DYTN: variants seen among roughly 807,000 people sequenced by gnomAD.
DYTN encodes the protein dystrotelin.
In DYTN, 75 loss-of-function variants were observed where a neutral mutation model predicts 69.6. The ratio of observed to expected loss-of-function variants is 1.08; its 90% CI spans 0.89 to 1.31. DYTN has a LOEUF of 1.31. Ranked by LOEUF, DYTN falls within the 50% of genes most tolerant of loss-of-function variation. The probability of loss-of-function intolerance (pLI) is 0.00; values close to 1 mark genes in which losing one functional copy is unlikely to be tolerated. For synonymous variants in DYTN, 252 were observed against 249.1 expected, an observed-to-expected ratio of 1.01 and a Z score of -0.11; for missense variants, 726 against 688.4, an observed-to-expected ratio of 1.05 and a Z score of -0.61.
intron 5 of DYTN, among the ~76,000 whole-genome samples, chr2:206,700,896 A>G (rs1472742941): frequency 3.3e-5 from 5 of 152,212 alleles, no homozygotes; most frequent in African/African-American, 9.6e-5. Flanking sequence ...TTTGCTGAGA[A>G]TGATGGTTTC....
At chr2:206,658,117 A>G (rs1181635017) in intron 11 of DYTN, among the ~76,000 whole-genome samples, 1 of 151,578 alleles carries the variant, frequency 6.6e-6, no homozygotes, top group Non-Finnish European at 1.5e-5. Flanking sequence ...TTTCTGCTTG[A>G]TCTAGTCTGC....
chr2:206,693,843 T>C (rs1699890549), intron 8 of DYTN, among the ~76,000 whole-genome samples: 1 of 152,152 alleles, frequency 6.6e-6, no homozygotes, highest in Admixed American at 6.5e-5. Context: ...TAAAGCGTAA[T>C]AACAAAGTGG....
rs138870381 is a variant in DYTN at position 206,659,708 on chromosome 2, C to T, written c.1633+3195G>A. Among the ~76,000 whole-genome samples the T allele has an allele frequency of 8.2e-4, 125 of 152,000 alleles. 2 individuals carry two copies. In the East Asian group the frequency reaches 0.023, roughly 28 times the overall value. On this transcript the variant is annotated intron_variant, in intron 11 of 11. Coordinates refer to ENST00000452335, the MANE Select transcript of DYTN (RefSeq NM_001093730.1). ...CATAGATTATGTTTAAATTATAAAG[C>T]GTATTTTAGTAATCCAAATTGCCAA...
intron 11 of DYTN, among the ~76,000 whole-genome samples, chr2:206,660,869 G>C (rs967683819): frequency 6.6e-6 from 1 of 152,086 alleles, no homozygotes; most frequent in African/African-American, 2.4e-5. Flanking sequence ...TATGTACTCG[G>C]TTTATAGCCC....
intron 1 of DYTN, among the ~76,000 whole-genome samples, chr2:206,712,284 G>A (rs1483766357): frequency 2.0e-5 from 3 of 152,170 alleles, no homozygotes; most frequent in Non-Finnish European, 4.4e-5. Flanking sequence ...GCAAACGAAA[G>A]TTTGAAAACT....
chr2:206,691,241 C>T (rs530005552), intron 9 of DYTN, among the ~76,000 whole-genome samples: 3 of 152,134 alleles, frequency 2.0e-5, no homozygotes, highest in East Asian at 3.9e-4. Flanking sequence ...GGTGAAACCC[C>T]GTCTCTACTA....
intron 9 of DYTN, among the ~76,000 whole-genome samples, chr2:206,676,924 T>TA (rs147693382): frequency 0.14 from 21,267 of 151,790 alleles, 2,496 homozygotes; most frequent in African/African-American, 0.32. Context: ...TTCTTTTTCT[T>TA]AAAAAAAACT....
chr2:206,716,770 T>G (rs372573991), intron 1 of DYTN, among the ~76,000 whole-genome samples: 8 of 152,080 alleles, frequency 5.3e-5, no homozygotes, highest in African/African-American at 1.9e-4. Flanking sequence ...TCCTCTCAGA[T>G]GCACCAAGCA....
Position 206,706,124 on chromosome 2 carries a change from C to T in DYTN, c.297-251G>A, listed in dbSNP as rs549737161. On this transcript the variant is annotated intron_variant, in intron 3 of 11. Coordinates refer to ENST00000452335, the MANE Select transcript of DYTN (RefSeq NM_001093730.1). The stretch of plus-strand genomic sequence containing the variant: ...TTGGATGCCTCCTCTGTGCTAAGCA[C>T]TGTACCAGGCATCAGGGATGCAGGG... Among the ~76,000 whole-genome samples the T allele has an allele frequency of 2.0e-5, 3 of 152,304 alleles. No homozygotes were observed. The East Asian group carries it at 5.8e-4, about 29-fold the overall frequency.
At chr2:206,688,464 C>T (rs977141629) in intron 9 of DYTN, among the ~76,000 whole-genome samples, 1 of 152,064 alleles carries the variant, frequency 6.6e-6, no homozygotes, top group Admixed American at 6.6e-5. Context: ...AAAATAGACA[C>T]GAAAAGGACA....
chr2:206,676,017 T>C (rs192480403), intron 9 of DYTN, among the ~76,000 whole-genome samples: 569 of 152,304 alleles, frequency 3.7e-3, no homozygotes, highest in Middle Eastern at 0.01. Flanking sequence ...AAAGTCAATG[T>C]GGCAATTCCT....
At chr2:206,653,449 C>T (rs2105885023) in intron 11 of DYTN, among the ~76,000 whole-genome samples, 1 of 152,232 alleles carries the variant, frequency 6.6e-6, no homozygotes, top group South Asian at 2.1e-4. Context: ...TTAGATGGAA[C>T]ACTTGTGAAA....
rs1329284634 is a variant in DYTN at position 206,699,876 on chromosome 2, TG to T, written c.569del (p.Ala190GlufsTer55). The T allele has an allele frequency of 6.2e-7, 1 of 1,613,206 alleles. No homozygotes were observed. Among genetic ancestry groups the T allele is most frequent in the Non-Finnish European group, 8.5e-7 (1 of 1,179,656 alleles). The part of the protein sequence containing the change: ...RSCFQGVLSP[A>X]IKEEKFLSWV... Reference sequence around the variant, plus strand: ...AAGACAGGAATTTTTCTTCTTTGATTGCTGGGCTCAACACCTGAAAAACAAT... The same window carrying T: ...AAGACAGGAATTTTTCTTCTTTGATTCTGGGCTCAACACCTGAAAAACAAT... On this transcript the variant is annotated frameshift_variant, in exon 7 of 12. Transcript: ENST00000452335. LOFTEE classifies it high-confidence loss of function.
chr2:206,700,405 A>T (rs1170429031), intron 5 of DYTN, among the ~76,000 whole-genome samples, 189 bp from the exon 6 acceptor site: 1 of 152,184 alleles, frequency 6.6e-6, no homozygotes, highest in African/African-American at 2.4e-5. Flanking sequence ...GGGTTAAGAC[A>T]ATGAATAAGC....
intron 11 of DYTN, among the ~76,000 whole-genome samples, chr2:206,653,082 T>G (rs1025291299): frequency 2.0e-5 from 3 of 152,200 alleles, no homozygotes; most frequent in African/African-American, 7.2e-5. Flanking sequence ...CATGCATTTT[T>G]TATCCCACTT....
rs1339765044 is a variant in DYTN, at chr2:206,663,364, G to A, written c.1172C>T (p.Ser391Phe). The A allele has an allele frequency of 1.2e-6, 2 of 1,608,690 alleles. No homozygotes were observed. Among genetic ancestry groups the A allele is most frequent in the Non-Finnish European group, 1.7e-6 (2 of 1,177,326 alleles). ...CTTGTTCCCCACATTTTGAAAGGAA[G>A]AAGATGAAGGACCGGGTGGCTGCAA... ...ARLQPPGPSS[S>F]SFQNVGNKVD... Residue 391 changes from serine (S) to phenylalanine (F), a missense_variant, in exon 11 of 12, where the codon TCT (serine) becomes TTT (phenylalanine). By Grantham distance (155) the Ser-to-Phe change is radical (BLOSUM62 -2). Coordinates refer to ENST00000452335, the MANE Select transcript of DYTN (RefSeq NM_001093730.1).
intron 1 of DYTN, 130 bp from the exon 2 acceptor site, chr2:206,710,728 T>C: frequency 1.6e-6 from 1 of 637,268 alleles, no homozygotes; most frequent in Non-Finnish European, 2.5e-6. Flanking sequence ...GGTTTAGAGC[T>C]CTTTTTTTTT....
At chr2:206,699,576 G>C (rs933744979) in intron 7 of DYTN, 151 bp downstream of exon 7, 11 of 791,818 alleles carry the variant, frequency 1.4e-5, no homozygotes, top group Non-Finnish European at 2.1e-5. Flanking sequence ...TATCAACCAG[G>C]ATGCCTCTTG....
chr2:206,679,799 A>T (rs1444269914), intron 9 of DYTN, among the ~76,000 whole-genome samples: 2 of 152,206 alleles, frequency 1.3e-5, no homozygotes, highest in Non-Finnish European at 2.9e-5. Flanking sequence ...TAATTATACC[A>T]GGGGTGTGCA....
Sources: gnomAD v4.1 joint callset for allele counts (sites outside exome capture counted in the v4.1 genomes callset) on GRCh38, gnomAD v4.1.1 for gene constraint, MANE v1.5 for transcripts, NCBI Gene and HGNC (gene_info 2026-07-23, HGNC 2026-07-21) for gene names.